Variants in ZFAT observed in about 807,000 individuals in gnomAD.
The protein encoded by ZFAT is zinc finger protein ZFAT.
ZFAT carries 64 observed loss-of-function variants against 117.7 expected under a neutral mutation model. That is an observed-to-expected ratio of 0.54 (90% CI 0.44 to 0.67). The LOEUF (loss-of-function observed/expected upper bound fraction) is 0.67. ZFAT is among the 30% of genes least tolerant of loss of function. The probability of loss-of-function intolerance (pLI) is 0.00; values close to 1 mark genes in which losing one functional copy is unlikely to be tolerated. For synonymous variants in ZFAT, 679 were observed against 615.0 expected (o/e 1.10, Z -1.54); for missense variants, 1,433 against 1,584.5 (o/e 0.90, Z 1.62).
At chr8:134,743,123 C>G in the ZFAT span, among the ~76,000 whole-genome samples, 1 of 152,266 alleles carries the variant, frequency 6.6e-6, no homozygotes, top group Non-Finnish European at 1.5e-5. Context: ...TCTCTATGCC[C>G]TTGCAGGTCT....
rs1554615159 is a variant in ZFAT, at chr8:134,653,270, T to TTTAA, written c.196+4290_196+4291insTTAA. On this transcript the variant is annotated intron_variant, in intron 2 of 15. Coordinates refer to ENST00000377838, the MANE Select transcript of ZFAT (RefSeq NM_020863.4). ...TTGGAACCAACCCAAATGTCTTTTT[T>TTTAA]AAAAAAAAAAAAAAAAAAAAACAAA... Among the ~76,000 whole-genome samples, 34 of 91,874 alleles carry TTTAA rather than the reference T, an allele frequency of 3.7e-4. 1 individual carries two copies. The highest frequency in any genetic ancestry group is 1.1e-3 in the African/African-American group (25 of 22,990). 60.3% of individuals were successfully genotyped at this position (91,874 alleles called of 152,430 possible).
At chr8:134,536,546 C>T (rs921937192) in intron 11 of ZFAT, among the ~76,000 whole-genome samples, 1 of 152,170 alleles carries the variant, frequency 6.6e-6, no homozygotes, top group African/African-American at 2.4e-5. Flanking sequence ...TCAAGCAAAA[C>T]AAGTTCTGAC....
chr8:134,643,312 A>G (rs997440357), intron 2 of ZFAT, among the ~76,000 whole-genome samples: 1 of 152,262 alleles, frequency 6.6e-6, no homozygotes, highest in Non-Finnish European at 1.5e-5. Flanking sequence ...TCCTTTGGAC[A>G]GTTCAATTAA....
chr8:134,746,216 T>C, the ZFAT span, among the ~76,000 whole-genome samples: 1 of 152,228 alleles, frequency 6.6e-6, no homozygotes, highest in African/African-American at 2.4e-5. Flanking sequence ...GCAGCTCTCA[T>C]GTTCTCTCTA....
At chr8:134,549,106 C>G (rs1822926750) in intron 11 of ZFAT, among the ~76,000 whole-genome samples, 1 of 152,174 alleles carries the variant, frequency 6.6e-6, no homozygotes, top group Non-Finnish European at 1.5e-5. Context: ...CCAGAATGTT[C>G]TGGATGATGA....
At chr8:134,829,299 G>GAACA in the ZFAT span, among the ~76,000 whole-genome samples, 2 of 152,222 alleles carry the variant, frequency 1.3e-5, no homozygotes, top group Non-Finnish European at 2.9e-5. Flanking sequence ...TAATGCATTT[G>GAACA]ATGTGTGGCC....
the ZFAT span, chr8:134,764,663 T>G: frequency 2.0e-5 from 3 of 152,260 alleles, no homozygotes; most frequent in Admixed American, 1.3e-4. Context: ...GATGTGCATC[T>G]TTTAATTTGA....
chr8:134,789,582 T>C, the ZFAT span, among the ~76,000 whole-genome samples: 2 of 152,226 alleles, frequency 1.3e-5, no homozygotes, highest in East Asian at 1.9e-4. Context: ...TTATCTGGAA[T>C]GTGAGCACTA....
At chr8:134,591,746 C>G (rs1184204618) in intron 7 of ZFAT, among the ~76,000 whole-genome samples, 1 of 152,134 alleles carries the variant, frequency 6.6e-6, no homozygotes, top group Non-Finnish European at 1.5e-5. Context: ...GAGGCAGAGA[C>G]CAGAGCAATG....
the ZFAT span, among the ~76,000 whole-genome samples, chr8:134,828,328 C>A: frequency 0.02 from 3,045 of 152,212 alleles, 35 homozygotes; most frequent in Non-Finnish European, 0.033. Flanking sequence ...GCCCAGTATC[C>A]CGAAGTTGGG....
chr8:134,493,751 G>A (rs1472216753), intron 15 of ZFAT, among the ~76,000 whole-genome samples: 2 of 152,134 alleles, frequency 1.3e-5, no homozygotes, highest in African/African-American at 4.8e-5. Context: ...TTCCCTCCCC[G>A]GCTGAGCCAA....
the ZFAT span, among the ~76,000 whole-genome samples, chr8:134,828,709 TTC>T: frequency 3.3e-5 from 5 of 152,230 alleles, no homozygotes; most frequent in Non-Finnish European, 7.3e-5. Context: ...GCAAAATGAT[TTC>T]TGAATTAAAC....
the ZFAT span, among the ~76,000 whole-genome samples, chr8:134,719,412 T>G: frequency 6.6e-6 from 1 of 152,096 alleles, no homozygotes; most frequent in African/African-American, 2.4e-5. Flanking sequence ...GCGAATCAAG[T>G]GGTTTCAGCC....
chr8:134,674,090 G>C (rs536628872), intron 1 of ZFAT, among the ~76,000 whole-genome samples: 2 of 152,196 alleles, frequency 1.3e-5, no homozygotes, highest in Non-Finnish European at 2.9e-5. Context: ...ATTCAGTCTG[G>C]TTGGACAGTG....
intron 1 of ZFAT, among the ~76,000 whole-genome samples, chr8:134,700,326 C>A (rs1252281732): frequency 6.6e-6 from 1 of 152,082 alleles, no homozygotes; most frequent in Non-Finnish European, 1.5e-5. Flanking sequence ...GGTGGGGGAC[C>A]CCACAAACAC....
intron 3 of ZFAT, among the ~76,000 whole-genome samples, chr8:134,616,560 T>C (rs1828749577): frequency 1.3e-5 from 2 of 152,238 alleles, no homozygotes; most frequent in South Asian, 4.1e-4. Context: ...TGTTTTTCAA[T>C]AGTCTCCTGC....
chr8:134,673,760 C>A (rs1832665704), intron 1 of ZFAT, among the ~76,000 whole-genome samples: 1 of 152,148 alleles, frequency 6.6e-6, no homozygotes, highest in Non-Finnish European at 1.5e-5. Context: ...ACCAAAAGGA[C>A]ATAAGTATTC....
At chr8:134,810,246 AG>A in the ZFAT span, among the ~76,000 whole-genome samples, 1 of 152,210 alleles carries the variant, frequency 6.6e-6, no homozygotes, top group Admixed American at 6.5e-5. Context: ...CCACACCTGG[AG>A]GAAAATTGCT....
intron 14 of ZFAT, among the ~76,000 whole-genome samples, chr8:134,511,479 C>T (rs1339304352): frequency 6.6e-6 from 1 of 152,184 alleles, no homozygotes; most frequent in African/African-American, 2.4e-5. Context: ...ACAGCCCTGT[C>T]CATTAATCTT....
Sources: gnomAD v4.1 joint callset for allele counts (sites outside exome capture counted in the v4.1 genomes callset) on GRCh38, gnomAD v4.1.1 for gene constraint, MANE v1.5 for transcripts, NCBI Gene and HGNC (gene_info 2026-07-23, HGNC 2026-07-21) for gene names.